The following PPHLN1 variants were observed in gnomAD, a reference collection of about 807,000 sequenced individuals.
PPHLN1 encodes the protein periphilin 1, also known as periphilin-1.
In PPHLN1, 29 loss-of-function variants were observed where a neutral mutation model predicts 51.3. That is an observed-to-expected ratio of 0.57 (90% confidence interval 0.42 to 0.77). The LOEUF is 0.77. Ranked by LOEUF, PPHLN1 falls within the 30% of genes least tolerant of loss-of-function variation. The pLI, the probability that PPHLN1 is intolerant of heterozygous loss-of-function variation, is 0.00. For missense variants in PPHLN1, 436 were observed against 438.4 expected (o/e 0.99, Z 0.05); for synonymous variants, 147 against 147.8 (o/e 0.99, Z 0.04).
Position 42,426,172 on chromosome 12 carries a change from CCACACACACACA to C in PPHLN1, c.910-15097_910-15086del, listed in dbSNP as rs71084653. Among the ~76,000 whole-genome samples, 971 of 122,170 alleles carry C rather than the reference CCACACACACACA, an allele frequency of 7.9e-3. 13 individuals are homozygous for C. The highest frequency in any genetic ancestry group is 0.032 in the South Asian group (105 of 3,324). 80.1% of individuals were successfully genotyped at this position (122,170 alleles called of 152,430 possible). The stretch of plus-strand genomic sequence containing the variant: ...TTAAAGTACAGTATTAGACTTGACA[CCACACACACACA>C]CACACACACACACACACACACACAC... On this transcript the variant is annotated intron_variant, in intron 9 of 9. Coordinates refer to ENST00000358314, the MANE Select transcript of PPHLN1 (RefSeq NM_201439.2).
At chr12:42,448,541 T>TG (rs2083390676), downstream of PPHLN1, 1 of 152,204 alleles carries the variant, frequency 6.6e-6, no homozygotes, top group Non-Finnish European at 1.5e-5. Context: ...TATAAAGCCT[T>TG]GGTTATCAAC....
At chr12:42,334,283 A>T (rs1187809956) in intron 1 of PPHLN1, among the ~76,000 whole-genome samples, 2 of 152,080 alleles carry the variant, frequency 1.3e-5, no homozygotes, top group Admixed American at 1.3e-4. Context: ...TTAAAAGCTA[A>T]TTTTTTTCTC....
rs920769817 is a variant in PPHLN1, at chr12:42,374,503, G to T, written c.300-360G>T. On this transcript the variant is annotated intron_variant, in intron 4 of 9. Coordinates refer to ENST00000358314, the MANE Select transcript of PPHLN1 (RefSeq NM_201439.2). ...TGCCCAGGCTGGAGTACAGTGGCGC[G>T]ATCTGGGCTCACTGCAAGCTCCGCC... 13 of 176,502 alleles carry T rather than the reference G, an allele frequency of 7.4e-5. No homozygotes were observed. In the East Asian group the frequency reaches 1.2e-3, roughly 16 times the overall value. 10.9% of individuals were successfully genotyped at this position (176,502 alleles called of 1,614,324 possible).
intron 1 of PPHLN1, among the ~76,000 whole-genome samples, chr12:42,333,962 G>A (rs2070201727): frequency 6.6e-6 from 1 of 152,028 alleles, no homozygotes; most frequent in South Asian, 2.1e-4. Context: ...GTATTTTTTT[G>A]TGAACTGTTT....
intron 4 of PPHLN1, among the ~76,000 whole-genome samples, chr12:42,370,020 C>G (rs925176917): frequency 6.6e-6 from 1 of 152,196 alleles, no homozygotes. Flanking sequence ...CATGGCCAGG[C>G]CTTACTTTCA....
chr12:42,432,325 C>T (rs956031094), intron 9 of PPHLN1: 21 of 742,636 alleles, frequency 2.8e-5, no homozygotes, highest in Non-Finnish European at 5.2e-5. Context: ...GCTCATTAAT[C>T]TGTAGGCATT....
At chr12:42,414,194 C>T (rs200438888) in intron 9 of PPHLN1, among the ~76,000 whole-genome samples, 1 of 151,992 alleles carries the variant, frequency 6.6e-6, no homozygotes, top group Non-Finnish European at 1.5e-5. Context: ...GCCACCATGC[C>T]CGGCTTATTT....
chr12:42,393,543 G>T (rs374936601), intron 7 of PPHLN1, 27 bp from the exon 8 acceptor site: 2 of 1,548,898 alleles, frequency 1.3e-6, no homozygotes, highest in Admixed American at 2.2e-5. Flanking sequence ...CTTGAGAATT[G>T]TAACAGAAAT....
chr12:42,333,493 T>G (rs2070101955), intron 1 of PPHLN1, among the ~76,000 whole-genome samples: 1 of 151,668 alleles, frequency 6.6e-6, no homozygotes. Flanking sequence ...TTTATTTTTA[T>G]TTTTTTTGAG....
At chr12:42,334,308 T>G (rs910741212) in intron 1 of PPHLN1, among the ~76,000 whole-genome samples, 1 of 152,202 alleles carries the variant, frequency 6.6e-6, no homozygotes, top group Non-Finnish European at 1.5e-5. Flanking sequence ...ATGTGTGTCT[T>G]GAGAAAAAGT....
At chr12:42,363,799 G>A (rs1197331399) in intron 4 of PPHLN1, among the ~76,000 whole-genome samples, 2 of 152,104 alleles carry the variant, frequency 1.3e-5, no homozygotes, top group Non-Finnish European at 2.9e-5. Context: ...ACTTATAGAT[G>A]AAATTCAGAA....
chr12:42,438,575 T>C (rs1290512349), intron 9 of PPHLN1, among the ~76,000 whole-genome samples: 6 of 152,042 alleles, frequency 3.9e-5, no homozygotes, highest in Non-Finnish European at 8.8e-5. Context: ...TATAATTGGG[T>C]TGTTTCTTAC....
At chr12:42,416,127 T>C (rs2080359853) in intron 9 of PPHLN1, among the ~76,000 whole-genome samples, 1 of 152,176 alleles carries the variant, frequency 6.6e-6, no homozygotes, top group South Asian at 2.1e-4. Context: ...ATCAGTCGTT[T>C]AGTGTGGGTA....
At chr12:42,385,836 A>G (rs1409978759) in intron 6 of PPHLN1, among the ~76,000 whole-genome samples, 1 of 152,224 alleles carries the variant, frequency 6.6e-6, no homozygotes, top group Non-Finnish European at 1.5e-5. Flanking sequence ...TGAATAAGCT[A>G]TAGCACTTGT....
At chr12:42,434,345 C>A (rs1382053699) in intron 9 of PPHLN1, among the ~76,000 whole-genome samples, 1 of 151,978 alleles carries the variant, frequency 6.6e-6, no homozygotes, top group African/African-American at 2.4e-5. Flanking sequence ...GGGCTTAATA[C>A]CTAAGTGATG....
intron 8 of PPHLN1, among the ~76,000 whole-genome samples, chr12:42,394,380 C>A (rs188605982): frequency 6.6e-6 from 1 of 152,136 alleles, no homozygotes; most frequent in African/African-American, 2.4e-5. Flanking sequence ...TATAAAAATC[C>A]GTCCCGTGAC....
downstream of PPHLN1, chr12:42,446,064 A>T (rs535095241): frequency 6.5e-7 from 1 of 1,547,252 alleles, no homozygotes; most frequent in Admixed American, 2.0e-5. Context: ...ACGACCCTGC[A>T]GGCCCCGCAG....
chr12:42,339,801 C>T (rs1565750572), intron 2 of PPHLN1, among the ~76,000 whole-genome samples: 1 of 152,146 alleles, frequency 6.6e-6, no homozygotes, highest in Non-Finnish European at 1.5e-5. Flanking sequence ...ATACCTGTAA[C>T]AGCTAGATGT....
At chr12:42,431,604 G>A (rs543435175) in intron 9 of PPHLN1, 24 of 694,768 alleles carry the variant, frequency 3.5e-5, no homozygotes, top group Middle Eastern at 4.3e-4. Flanking sequence ...TCTTTGGCAA[G>A]CTTGTACAAG....
Sources: gnomAD v4.1 joint callset for allele counts (sites outside exome capture counted in the v4.1 genomes callset) on GRCh38, gnomAD v4.1.1 for gene constraint, MANE v1.5 for transcripts, NCBI Gene and HGNC (gene_info 2026-07-23, HGNC 2026-07-21) for gene names.